Variants in CHD8 observed in about 807,000 individuals in gnomAD.
CHD8 encodes the protein ATP-dependent chromatin remodeler CHD8.
In CHD8, 31 loss-of-function variants were observed where a neutral mutation model predicts 279.2. The ratio of observed to expected loss-of-function variants is 0.11; its 90% confidence interval spans 0.08 to 0.15. The LOEUF is 0.15. CHD8 is among the 10% of genes least tolerant of loss of function. CHD8 has a pLI of 1.00. For missense variants in CHD8, 2,146 were observed against 3,230.5 expected, an observed-to-expected ratio of 0.66 and a Z score of 8.14; for synonymous variants, 1,081 against 1,139.6, an observed-to-expected ratio of 0.95 and a Z score of 1.04.
chr14:21,430,913 G>A lies in CHD8; in HGVS notation c.731C>T (p.Pro244Leu). The A allele has an allele frequency of 8.1e-6, 13 of 1,599,442 alleles. No individual in the cohort carries two copies. The highest frequency in any genetic ancestry group is 1.0e-5 in the Non-Finnish European group (12 of 1,179,752). ...TGGCTGGAGGACCAGCTGCTTTACT[G>A]GTCGGCTGGGCTGGACAATGCGCTG... ...AVQRIVQPSR[P>L]VKQLVLQPVK... The change falls in exon 2 of 38, where the codon CCA becomes CTA. Residue 244 changes from proline (P) to leucine (L), a missense_variant. Pro to Leu is a moderately conservative substitution (Grantham distance 98). Coordinates refer to ENST00000646647, the MANE Select transcript of CHD8 (RefSeq NM_001170629.2).
Position 21,413,139 on chromosome 14 carries a change from A to G in CHD8, c.2143-143T>C, listed in dbSNP as rs180737878. On this transcript the variant is annotated intron_variant, in intron 9 of 37. Transcript: ENST00000646647. Reference sequence around the variant, plus strand: ...TATCCGATGGGTGTTCTCCTTTTTCATAACAGCAAATCCTATGAATTTACC... The same window carrying G: ...TATCCGATGGGTGTTCTCCTTTTTCGTAACAGCAAATCCTATGAATTTACC... 1.6e-3 allele frequency: 997 copies of G among 642,302 alleles called. 5 individuals are homozygous for G. Among genetic ancestry groups the G allele is most frequent in the Admixed American group, 3.0e-3 (123 of 40,906 alleles). The allele number at this position is 642,302 out of a possible 1,614,324, so 39.8% of individuals were successfully genotyped here.
chr14:21,440,811 A>T (rs1889938474), intron 1 of CHD8, among the ~76,000 whole-genome samples: 3 of 152,204 alleles, frequency 2.0e-5, no homozygotes, highest in Admixed American at 6.5e-5. Context: ...ACATGGAATA[A>T]CGTAATCAGA....
chr14:21,451,796 A>C (rs1890263267), intron 1 of CHD8, among the ~76,000 whole-genome samples: 1 of 152,038 alleles, frequency 6.6e-6, no homozygotes, highest in African/African-American at 2.4e-5. Context: ...GAAGGATGGA[A>C]ACTATATAAT....
chr14:21,444,632 A>G (rs1469974094), intron 1 of CHD8, among the ~76,000 whole-genome samples: 3 of 151,962 alleles, frequency 2.0e-5, no homozygotes, highest in Admixed American at 1.3e-4. Flanking sequence ...ACCCTCAAAC[A>G]TATTTTTTTT....
chr14:21,385,536 C>T lies in CHD8; in HGVS notation c.*77G>A. The T allele has an allele frequency of 6.8e-7, 1 of 1,465,474 alleles. No individual in the cohort carries two copies. Among genetic ancestry groups the T allele is most frequent in the Non-Finnish European group, 9.0e-7 (1 of 1,109,954 alleles). The allele number at this position is 1,465,474 out of a possible 1,614,324, so 90.8% of individuals were successfully genotyped here. A position where few individuals can be genotyped will look rare whatever the true frequency, so the allele number is the denominator to read the frequency against. On this transcript the variant is annotated 3_prime_UTR_variant, in exon 38 of 38. Coordinates refer to ENST00000646647, the MANE Select transcript of CHD8 (RefSeq NM_001170629.2). ...CTTCCCCACATCTCCCCTGCCCCTC[C>T]CACGTTTCCATAGTCCAAGGGCCAG...
In CHD8 at chr14:21,392,738, A is replaced by G. The variant is rs762678508; in HGVS notation, c.6540T>C (p.Arg2180=). 3 of 1,613,942 alleles carry G rather than the reference A, an allele frequency of 1.9e-6. No individual in the cohort carries two copies. The highest frequency in any genetic ancestry group is 2.5e-6 in the Non-Finnish European group (3 of 1,179,870). Residue 2180 remains arginine, a synonymous_variant, in exon 34 of 38, where the codon CGT becomes CGC. Transcript: ENST00000646647. ...CTCCTGTTACCATTTCCTGGCTCCT[A>G]CGGCTAGAAGGCCACTTCCCTGAGA... ...AVLSGKWPSS[R]RSQEMVTGGI... is the part of the protein sequence containing the mutation.
At chr14:21,386,787 C>G (rs899307346) in intron 37 of CHD8, among the ~76,000 whole-genome samples, 1 of 151,004 alleles carries the variant, frequency 6.6e-6, no homozygotes, top group Non-Finnish European at 1.5e-5. Context: ...TGCAGTGAGC[C>G]GAGATCGCGC....
chr14:21,435,546 T>C (rs1889747533), intron 1 of CHD8, among the ~76,000 whole-genome samples: 1 of 152,202 alleles, frequency 6.6e-6, no homozygotes, highest in Non-Finnish European at 1.5e-5. Flanking sequence ...GTCTGTCCTA[T>C]GATAAAGTAT....
chr14:21,428,660 A>G (rs926512906), intron 3 of CHD8, among the ~76,000 whole-genome samples: 2 of 152,226 alleles, frequency 1.3e-5, no homozygotes, highest in Admixed American at 1.3e-4. Context: ...TTTCTGAACT[A>G]TCATTTAAAG....
Position 21,385,753 on chromosome 14 carries a change from G to T in CHD8, c.7606C>A (p.Pro2536Thr). The change falls in exon 38 of 38, where the codon CCT (proline) becomes ACT (threonine). Residue 2536 changes from proline to threonine, a missense_variant. By Grantham distance (38) the Pro-to-Thr change is conservative. Around this residue, in one of 26 missense-constraint regions of CHD8, gnomAD observed 336 missense variants for 392.9 expected, o/e 0.86. Transcript: ENST00000646647. Reference protein sequence around the residue: ...GTTLRLPPLQPEEDDDEDEED... With the variant: ...GTTLRLPPLQTEEDDDEDEED... ...TCATCCTCATCGTCATCCTCCTCAG[G>T]TTGCAGTGGTGGCAACCGCAAGGTA... 1 of 1,550,826 alleles carries T rather than the reference G, an allele frequency of 6.4e-7. No individual in the cohort carries two copies. Among genetic ancestry groups the T allele is most frequent in the Non-Finnish European group, 8.7e-7 (1 of 1,146,838 alleles).
chr14:21,389,777 A>G (rs1033433088), intron 37 of CHD8, among the ~76,000 whole-genome samples: 5 of 152,224 alleles, frequency 3.3e-5, no homozygotes, highest in Non-Finnish European at 5.9e-5. Context: ...ATTTGAAAAT[A>G]TAGAATAACT....
chr14:21,390,665 C>T (rs571855086), intron 37 of CHD8, among the ~76,000 whole-genome samples: 2 of 151,882 alleles, frequency 1.3e-5, no homozygotes, highest in African/African-American at 4.8e-5. Context: ...GTAATCCCAG[C>T]TACTCAGGAG....
chr14:21,416,027 C>T (rs1888708218), intron 5 of CHD8, 120 bp from the exon 6 acceptor site: 3 of 790,442 alleles, frequency 3.8e-6, no homozygotes, highest in South Asian at 3.4e-5. Context: ...AAAAATCAGA[C>T]CAAAAGATGA....
chr14:21,424,012 A>C (rs1361356813), intron 5 of CHD8, among the ~76,000 whole-genome samples: 5 of 152,170 alleles, frequency 3.3e-5, no homozygotes, highest in Non-Finnish European at 7.3e-5. Flanking sequence ...TTTTGTTGTA[A>C]TACCATACAT....
chr14:21,393,416 G>T, intron 32 of CHD8, 60 bp downstream of exon 32: 1 of 1,500,144 alleles, frequency 6.7e-7, no homozygotes, highest in East Asian at 2.4e-5. Context: ...ATTTAGAAAA[G>T]GGAAAGAGAA....
At chr14:21,429,432 C>G in intron 2 of CHD8, 97 bp from the exon 3 acceptor site, 1 of 1,245,578 alleles carries the variant, frequency 8.0e-7, no homozygotes, top group Non-Finnish European at 1.2e-6. Flanking sequence ...ATCATAAAAA[C>G]TACAGGTCAG....
chr14:21,412,285 A>G (rs1167346199), intron 10 of CHD8, among the ~76,000 whole-genome samples: 1 of 151,972 alleles, frequency 6.6e-6, no homozygotes, highest in East Asian at 2.0e-4. Context: ...AGCTGGGACT[A>G]TAGGCACGTG....
chr14:21,437,741 TG>T (rs1291152418), intron 1 of CHD8, among the ~76,000 whole-genome samples: 2 of 152,152 alleles, frequency 1.3e-5, no homozygotes, highest in Non-Finnish European at 2.9e-5. Flanking sequence ...AGCTGGAATA[TG>T]GGGCCTTTTA....
In CHD8 at chr14:21,408,008, T is replaced by G; in HGVS notation, c.2730+304A>C. 6.6e-6 allele frequency among the ~76,000 whole-genome samples: 1 copy of G among 152,244 alleles called. No individual in the cohort carries two copies. Among genetic ancestry groups the G allele is most frequent in the East Asian group, 1.9e-4 (1 of 5,200 alleles). On this transcript the variant is annotated intron_variant, in intron 13 of 37. Transcript: ENST00000646647. The surrounding 1 kb of genome is among the most constrained non-coding windows in gnomAD (Gnocchi z 4.3). ...CATGGATTAAGTGGCTAAAGGAATTTAATTTTTGTAAAATACTGTGATTAA... is the reference window on the plus strand; with the variant it reads ...CATGGATTAAGTGGCTAAAGGAATTGAATTTTTGTAAAATACTGTGATTAA...
Sources: gnomAD v4.1 joint callset for allele counts (sites outside exome capture counted in the v4.1 genomes callset) on GRCh38, gnomAD v4.1.1 for gene constraint, gnomAD v4.1.1 regional missense constraint, Gnocchi (gnomAD v3.1) non-coding constraint, MANE v1.5 for transcripts, NCBI Gene and HGNC (gene_info 2026-07-23, HGNC 2026-07-21) for gene names.